LDLRAD4: variants seen among roughly 807,000 people sequenced by gnomAD.
The protein encoded by LDLRAD4 is low-density lipoprotein receptor class A domain-containing protein 4.
In LDLRAD4, 5 loss-of-function variants were observed where a neutral mutation model predicts 17.0. That is an observed-to-expected ratio of 0.29 (90% confidence interval 0.15 to 0.62). LDLRAD4 has a LOEUF of 0.62. Among genes scored for constraint, LDLRAD4 ranks in the 20% least tolerant of loss-of-function variants. The pLI, the probability that LDLRAD4 is intolerant of heterozygous loss-of-function variation, is 0.84. For synonymous variants in LDLRAD4, 168 were observed against 171.8 expected (o/e 0.98, Z 0.17); for missense variants, 340 against 424.7 (o/e 0.80, Z 1.75).
chr18:13,378,010 A>G (rs1295791958), intron 1 of LDLRAD4, among the ~76,000 whole-genome samples: 2 of 152,240 alleles, frequency 1.3e-5, no homozygotes, highest in Non-Finnish European at 1.5e-5. Context: ...GAAGTGCTTC[A>G]TGAAAGCTCA....
intron 1 of LDLRAD4, among the ~76,000 whole-genome samples, chr18:13,252,394 G>A (rs866791935): frequency 6.6e-6 from 1 of 152,212 alleles, no homozygotes; most frequent in African/African-American, 2.4e-5. Flanking sequence ...CTCCCAAAGT[G>A]CTGGGATTAC....
At chr18:13,386,444 C>A (rs2145197294) in intron 1 of LDLRAD4, among the ~76,000 whole-genome samples, 1 of 152,032 alleles carries the variant, frequency 6.6e-6, no homozygotes, top group South Asian at 2.1e-4. Context: ...TCTTGGCTCA[C>A]TGCAACCTCG....
chr18:13,353,570 G>A (rs761052470), intron 1 of LDLRAD4, among the ~76,000 whole-genome samples: 59 of 152,174 alleles, frequency 3.9e-4, no homozygotes, highest in Non-Finnish European at 7.5e-4. Flanking sequence ...TGTTTCTTGT[G>A]CCTTTTCCTA....
intron 3 of LDLRAD4, chr18:13,488,963 A>T (rs1464858141): frequency 1.3e-5 from 2 of 152,252 alleles, no homozygotes; most frequent in African/African-American, 4.8e-5. Flanking sequence ...CAGTGAAAGT[A>T]CAAAGATTTA....
intron 1 of LDLRAD4, chr18:13,240,714 A>G (rs1283486370): frequency 6.6e-6 from 1 of 152,324 alleles, no homozygotes; most frequent in Non-Finnish European, 1.5e-5. Context: ...ATGGACCAGG[A>G]ACTCAGTGAT....
chr18:13,488,158 G>A lies in LDLRAD4; in HGVS notation c.181+49774G>A, dbSNP rs139307242. ...CAGGGACAGCCTTGGCCCCCTTTCC[G>A]CTCTGCCTTGCCATCTCCCATCGCT... On this transcript the variant is annotated intron_variant, in intron 3 of 5. Coordinates refer to ENST00000359446, the Ensembl canonical transcript of LDLRAD4. The A allele has an allele frequency of 7.1e-3, 1,086 of 152,732 alleles. 14 individuals are homozygous for A. Among genetic ancestry groups the A allele is most frequent in the Middle Eastern group, 0.017 (5 of 294 alleles). 9.5% of individuals were successfully genotyped at this position (152,732 alleles called of 1,614,324 possible).
chr18:13,295,030 T>C (rs1251491187), intron 1 of LDLRAD4, among the ~76,000 whole-genome samples: 1 of 152,136 alleles, frequency 6.6e-6, no homozygotes, highest in Non-Finnish European at 1.5e-5. Context: ...GTTGGATTCA[T>C]AGGTAAACCC....
chr18:13,329,436 G>A (rs1430463981), intron 1 of LDLRAD4, among the ~76,000 whole-genome samples: 1 of 152,174 alleles, frequency 6.6e-6, no homozygotes. Context: ...TTTATGAGCT[G>A]TTTGTATTTC....
At chr18:13,620,395 A>T (rs2040514587) in intron 3 of LDLRAD4, among the ~76,000 whole-genome samples, 9 of 152,120 alleles carry the variant, frequency 5.9e-5, no homozygotes. Context: ...AGCACGGGGG[A>T]CAAGGAGTGA....
At chr18:13,510,019 T>G (rs2093752681) in intron 3 of LDLRAD4, among the ~76,000 whole-genome samples, 1 of 152,246 alleles carries the variant, frequency 6.6e-6, no homozygotes, top group Non-Finnish European at 1.5e-5. Context: ...AACCTAACTT[T>G]TATATGCACT....
At chr18:13,528,782 C>G (rs889981626) in intron 3 of LDLRAD4, among the ~76,000 whole-genome samples, 1 of 152,224 alleles carries the variant, frequency 6.6e-6, no homozygotes, top group Admixed American at 6.5e-5. Flanking sequence ...CCATTGCACA[C>G]CCCACTGGCT....
intron 2 of LDLRAD4, among the ~76,000 whole-genome samples, chr18:13,433,381 A>C (rs2090463222): frequency 6.6e-6 from 1 of 152,226 alleles, no homozygotes; most frequent in African/African-American, 2.4e-5. Context: ...GAAATAACTA[A>C]TGTAGACTAC....
chr18:13,422,505 T>C (rs1323039449), intron 2 of LDLRAD4, among the ~76,000 whole-genome samples: 1 of 149,360 alleles, frequency 6.7e-6, no homozygotes, highest in African/African-American at 2.5e-5. Context: ...AAGACCAGCC[T>C]AGGTAACATA....
chr18:13,508,068 T>C (rs969267857), intron 3 of LDLRAD4, among the ~76,000 whole-genome samples: 4 of 152,264 alleles, frequency 2.6e-5, no homozygotes, highest in Admixed American at 1.3e-4. Flanking sequence ...AACAGCCTCA[T>C]TGTTGACATG....
rs890846130 is a variant in LDLRAD4 at position 13,548,118 on chromosome 18, G to T, written c.182-72999G>T. On this transcript the variant is annotated intron_variant, in intron 3 of 5. Coordinates refer to ENST00000359446, the Ensembl canonical transcript of LDLRAD4. Reference sequence around the variant, plus strand: ...TCTCAGCAGAGAGGAGACCCAGAGTGGGTGGCTCCTCTCTGCAGGCAGGTC... The same window carrying T: ...TCTCAGCAGAGAGGAGACCCAGAGTTGGTGGCTCCTCTCTGCAGGCAGGTC... Among the ~76,000 whole-genome samples the T allele has an allele frequency of 6.6e-5, 10 of 152,306 alleles. No homozygotes were observed. In the East Asian group the frequency reaches 1.2e-3, roughly 18 times the overall value.
At chr18:13,636,487 TTTTG>T (rs891405611) in intron 4 of LDLRAD4, among the ~76,000 whole-genome samples, 5 of 140,630 alleles carry the variant, frequency 3.6e-5, no homozygotes, top group Admixed American at 2.9e-4. Flanking sequence ...ATAAAGTTGT[TTTTG>T]TTTTTGTTTT....
At chr18:13,368,801 C>T (rs2084255950) in intron 1 of LDLRAD4, among the ~76,000 whole-genome samples, 1 of 152,238 alleles carries the variant, frequency 6.6e-6, no homozygotes, top group African/African-American at 2.4e-5. Context: ...TGAATTCCTT[C>T]TTCCATACAC....
chr18:13,523,515 C>A (rs1370476126), intron 3 of LDLRAD4, among the ~76,000 whole-genome samples: 1 of 152,188 alleles, frequency 6.6e-6, no homozygotes, highest in Non-Finnish European at 1.5e-5. Flanking sequence ...CGCCTTGATC[C>A]CAGCCTCAGG....
intron 1 of LDLRAD4, among the ~76,000 whole-genome samples, chr18:13,330,505 T>A (rs187767186): frequency 6.6e-6 from 1 of 152,336 alleles, no homozygotes; most frequent in Admixed American, 6.5e-5. Context: ...ACTTTATTAA[T>A]CTTATTGGTG....
Sources: gnomAD v4.1 joint callset for allele counts (sites outside exome capture counted in the v4.1 genomes callset) on GRCh38, gnomAD v4.1.1 for gene constraint, MANE v1.5 for transcripts, NCBI Gene and HGNC (gene_info 2026-07-23, HGNC 2026-07-21) for gene names.